Variants in BIN1 observed in about 807,000 individuals in gnomAD.
BIN1 encodes myc box-dependent-interacting protein 1.
BIN1 carries 53 observed loss-of-function variants against 82.0 expected under a neutral mutation model. The observed-to-expected ratio is 0.65, with a 90% CI of 0.52 to 0.81. The LOEUF (loss-of-function observed/expected upper bound fraction) is 0.81, where lower values mean the gene tolerates loss of function less well. BIN1 is among the 40% of genes least tolerant of loss of function. The pLI is 0.00. For synonymous variants in BIN1, 302 were observed against 328.0 expected (o/e 0.92, Z 0.86); for missense variants, 642 against 784.4 (o/e 0.82, Z 2.17).
At chr2:127,091,488 G>C (rs1678917155) in intron 1 of BIN1, among the ~76,000 whole-genome samples, 1 of 152,266 alleles carries the variant, frequency 6.6e-6, no homozygotes, top group African/African-American at 2.4e-5. Context: ...GTCCAAGGCT[G>C]ATTCCACTGT....
At chr2:127,069,810 G>C (rs1685641071) in intron 5 of BIN1, among the ~76,000 whole-genome samples, 185 bp downstream of exon 5, 1 of 152,172 alleles carries the variant, frequency 6.6e-6, no homozygotes, top group Non-Finnish European at 1.5e-5. Context: ...CAAAGGGACA[G>C]GAAAGGAATG....
chr2:127,053,501 C>T (rs1043384869), intron 13 of BIN1, 56 bp from the exon 14 acceptor site: 23 of 1,602,560 alleles, frequency 1.4e-5, no homozygotes, highest in African/African-American at 6.7e-5. Context: ...AGAGACAGGG[C>T]GGCAAGCAGT....
chr2:127,051,945 G>A (rs1461751988), intron 15 of BIN1, among the ~76,000 whole-genome samples: 5 of 152,240 alleles, frequency 3.3e-5, no homozygotes, highest in African/African-American at 2.4e-5. Context: ...AGGTGATGAC[G>A]AAGATTAAAT....
intron 12 of BIN1, chr2:127,054,955 G>A (rs1285180355): frequency 2.0e-5 from 3 of 152,302 alleles, no homozygotes; most frequent in Non-Finnish European, 2.9e-5. Context: ...GCCTTCTGAG[G>A]AGCAGGGACT....
intron 1 of BIN1, among the ~76,000 whole-genome samples, chr2:127,077,091 G>T (rs554638386): frequency 6.6e-6 from 1 of 152,302 alleles, no homozygotes; most frequent in East Asian, 1.9e-4. Context: ...CAGGGGAGGG[G>T]CCAAGCAGGA....
At chr2:127,089,925 T>A (rs1216106555) in intron 1 of BIN1, among the ~76,000 whole-genome samples, 26 of 133,320 alleles carry the variant, frequency 2.0e-4, no homozygotes, top group Non-Finnish European at 3.8e-4. Context: ...TCCCCCCTGC[T>A]CCCCCCACCC....
Position 127,081,897 on chromosome 2 carries a change from C to T in BIN1, c.85-5191G>A, listed in dbSNP as rs529978777. On this transcript the variant is annotated intron_variant, in intron 1 of 18. Transcript: ENST00000316724. ...GCGGGCTGAGAAGTGAGCCCTGTCT[C>T]GCCCCTTCCTCCCAGCAGAGCCTGC... The T allele has an allele frequency of 1.6e-4, 202 of 1,281,270 alleles. 1 individual carries two copies. The African/African-American group carries it at 2.7e-3, about 17-fold the overall frequency. The allele number at this position is 1,281,270 out of a possible 1,614,324, so 79.4% of individuals were successfully genotyped here. A position where few individuals can be genotyped will look rare whatever the true frequency, so the allele number is the denominator to read the frequency against.
intron 1 of BIN1, among the ~76,000 whole-genome samples, chr2:127,088,404 G>A (rs532576937): frequency 1.3e-5 from 2 of 152,304 alleles, no homozygotes; most frequent in East Asian, 1.9e-4. Context: ...CTCTAGGAGG[G>A]AGGCAATGTT....
chr2:127,096,368 G>A (rs1024035996), intron 1 of BIN1, among the ~76,000 whole-genome samples: 24 of 152,116 alleles, frequency 1.6e-4, no homozygotes, highest in African/African-American at 5.3e-4. Context: ...CCAGAATGAC[G>A]CCCGTGGGCT....
chr2:127,083,078 C>CTTTTTTTTTTTTTTTTTT (rs112344101), intron 1 of BIN1, among the ~76,000 whole-genome samples: 1 of 142,868 alleles, frequency 7.0e-6, no homozygotes, highest in Non-Finnish European at 1.5e-5. Context: ...TTGCTTTTTT[C>CTTTTTTTTTTTTTTTTTT]TTTTTTTTTT....
rs1558857270 is a variant in BIN1, at chr2:127,081,726, C to A, written c.85-5020G>T. The A allele has an allele frequency of 1.1e-5, 13 of 1,190,628 alleles. No homozygotes were observed. The East Asian group carries it at 4.8e-4, about 44-fold the overall frequency. The allele number at this position is 1,190,628 out of a possible 1,614,324, so 73.8% of individuals were successfully genotyped here. On this transcript the variant is annotated intron_variant, in intron 1 of 18. Transcript: ENST00000316724. ...TGCAGTGGCAGCAGAGTTCCCAACACCCCACCCCCACACACACATGGAAGG... is the reference window on the plus strand; with the variant it reads ...TGCAGTGGCAGCAGAGTTCCCAACAACCCACCCCCACACACACATGGAAGG...
chr2:127,089,607 C>A (rs1443505345), intron 1 of BIN1, among the ~76,000 whole-genome samples: 1 of 152,108 alleles, frequency 6.6e-6, no homozygotes, highest in African/African-American at 2.4e-5. Context: ...TGGACACACC[C>A]CACCGTCAGG....
intron 1 of BIN1, among the ~76,000 whole-genome samples, chr2:127,102,916 CAG>C (rs1680541051): frequency 6.6e-6 from 1 of 152,118 alleles, no homozygotes; most frequent in Non-Finnish European, 1.5e-5. Flanking sequence ...CAGACAGAGA[CAG>C]AGAAAAAGAC....
intron 1 of BIN1, among the ~76,000 whole-genome samples, chr2:127,088,625 C>T (rs988281208): frequency 6.6e-6 from 1 of 151,952 alleles, no homozygotes; most frequent in African/African-American, 2.4e-5. Context: ...ATAGTCCTAG[C>T]TACTGGGGAG....
intron 7 of BIN1, among the ~76,000 whole-genome samples, chr2:127,064,619 A>C (rs1684915138): frequency 6.6e-6 from 1 of 152,222 alleles, no homozygotes. Context: ...GACCAGAGGC[A>C]GCCACTCAGG....
intron 1 of BIN1, among the ~76,000 whole-genome samples, chr2:127,087,447 C>T (rs1405276768): frequency 6.6e-6 from 1 of 152,234 alleles, no homozygotes; most frequent in African/African-American, 2.4e-5. Context: ...AAGCCTATGG[C>T]CTGCAGCCAG....
chr2:127,054,445 C>G (rs182651952), intron 12 of BIN1: 2 of 242,790 alleles, frequency 8.2e-6, no homozygotes, highest in Non-Finnish European at 1.6e-5. Flanking sequence ...CTTGCTACCC[C>G]CCAGTGGCGA....
At position 127,059,814 on chromosome 2, in the gene BIN1, G is replaced by A. The variant is rs1022931674; in HGVS notation, c.858-659C>T. On this transcript the variant is annotated intron_variant, in intron 10 of 18. Coordinates refer to ENST00000316724, the MANE Select transcript of BIN1 (RefSeq NM_139343.3). This position sits in a 1 kb window ranked among gnomAD's most constrained non-coding sequence, Gnocchi z 6.7. ...GGCGTTCAGTGCCAGAACCCAAGGC[G>A]GAGGTGGTGTGATGCTGTGCACCCC... Among the ~76,000 whole-genome samples, 8 of 152,186 alleles carry A rather than the reference G, an allele frequency of 5.3e-5. No individual in the cohort carries two copies. The highest frequency in any genetic ancestry group is 1.0e-4 in the Non-Finnish European group (7 of 68,026).
In BIN1 at chr2:127,071,090, C is replaced by G. The variant is rs558597032; in HGVS notation, c.166-274G>C. ...GGAAGGCAGGAAGACAAAGACCCCC[C>G]TCCGAGATGACGTGCTGGAGGTACG... On this transcript the variant is annotated intron_variant, in intron 2 of 18. Transcript: ENST00000316724. Among the ~76,000 whole-genome samples, 91 of 152,278 alleles carry G rather than the reference C, an allele frequency of 6.0e-4. 1 individual carries two copies. Among genetic ancestry groups the G allele is most frequent in the African/African-American group, 2.1e-3 (87 of 41,560 alleles).
Sources: gnomAD v4.1 joint callset for allele counts (sites outside exome capture counted in the v4.1 genomes callset) on GRCh38, gnomAD v4.1.1 for gene constraint, Gnocchi (gnomAD v3.1) non-coding constraint, MANE v1.5 for transcripts, NCBI Gene and HGNC (gene_info 2026-07-23, HGNC 2026-07-21) for gene names.